Variants in GLDC observed in about 807,000 individuals in gnomAD.
GLDC encodes glycine dehydrogenase (decarboxylating), mitochondrial.
A neutral mutation model predicts 121.3 loss-of-function variants in GLDC; 104 were observed. The observed-to-expected ratio is 0.86, with a 90% CI of 0.73 to 1.01. The LOEUF (loss-of-function observed/expected upper bound fraction) is 1.01, where lower values mean the gene tolerates loss of function less well. Among genes scored for constraint, GLDC ranks in the 50% least tolerant of loss-of-function variants. The probability of loss-of-function intolerance (pLI) is 0.00; values close to 1 mark genes in which losing one functional copy is unlikely to be tolerated. For synonymous variants in GLDC, 546 were observed against 480.6 expected (o/e 1.14, Z -1.78); for missense variants, 1,429 against 1,306.6 (o/e 1.09, Z -1.44).
At chr9:6,582,507 C>T (rs939620233) in intron 15 of GLDC, among the ~76,000 whole-genome samples, 2 of 150,692 alleles carry the variant, frequency 1.3e-5, no homozygotes, top group Non-Finnish European at 3.0e-5. Flanking sequence ...GACAACAGAG[C>T]AGGGCTCCAT....
intron 3 of GLDC, among the ~76,000 whole-genome samples, chr9:6,613,581 A>G (rs917176177): frequency 1.3e-5 from 2 of 152,254 alleles, no homozygotes; most frequent in Non-Finnish European, 2.9e-5. Context: ...GCTCTATGGT[A>G]TTAAATAACT....
At chr9:6,637,086 T>G (rs1563873610) in intron 2 of GLDC, among the ~76,000 whole-genome samples, 3 of 149,094 alleles carry the variant, frequency 2.0e-5, no homozygotes, top group Admixed American at 6.7e-5. Context: ...TGGTTTTGTT[T>G]GTTTTTTTTT....
At chr9:6,575,475 A>G (rs912621427) in intron 15 of GLDC, among the ~76,000 whole-genome samples, 1 of 152,208 alleles carries the variant, frequency 6.6e-6, no homozygotes, top group African/African-American at 2.4e-5. Flanking sequence ...AGACTTACTG[A>G]ATCAGAAACT....
chr9:6,569,045 G>A (rs914762669), intron 15 of GLDC: 7 of 152,110 alleles, frequency 4.6e-5, no homozygotes, highest in African/African-American at 1.4e-4. Context: ...ACAGGTATAA[G>A]AGCCCACAAG....
At chr9:6,551,744 G>C (rs1817519304) in intron 20 of GLDC, among the ~76,000 whole-genome samples, 2 of 152,034 alleles carry the variant, frequency 1.3e-5, no homozygotes, top group Admixed American at 6.6e-5. Context: ...GGTATACCAG[G>C]TGAGAAGAAT....
At chr9:6,641,323 C>G (rs1474562378) in intron 2 of GLDC, among the ~76,000 whole-genome samples, 1 of 152,240 alleles carries the variant, frequency 6.6e-6, no homozygotes, top group Non-Finnish European at 1.5e-5. Context: ...GTTCCCACGT[C>G]TGTGCTGCCA....
chr9:6,620,585 GC>G (rs1482973134), intron 2 of GLDC, among the ~76,000 whole-genome samples: 1 of 151,574 alleles, frequency 6.6e-6, no homozygotes, highest in Non-Finnish European at 1.5e-5. Flanking sequence ...TGCTAGAACT[GC>G]CCATTTTAAC....
intron 3 of GLDC, among the ~76,000 whole-genome samples, chr9:6,614,790 A>G (rs1818935460): frequency 6.6e-6 from 1 of 152,176 alleles, no homozygotes. Context: ...AACCTCATAG[A>G]GTGTACTTAC....
intron 15 of GLDC, among the ~76,000 whole-genome samples, chr9:6,583,468 A>G (rs993934554): frequency 1.5e-4 from 23 of 152,172 alleles, no homozygotes; most frequent in African/African-American, 5.5e-4. Flanking sequence ...TCAGGTCAGG[A>G]GTTCCAGACC....
At chr9:6,573,386 G>A (rs1296437006) in intron 15 of GLDC, among the ~76,000 whole-genome samples, 3 of 152,088 alleles carry the variant, frequency 2.0e-5, no homozygotes, top group South Asian at 2.1e-4. Flanking sequence ...GCTTGAGCCC[G>A]GCAGGCAGAC....
intron 18 of GLDC, 58 bp from the exon 19 acceptor site, chr9:6,554,839 G>T: frequency 7.7e-7 from 1 of 1,299,980 alleles, no homozygotes; most frequent in Non-Finnish European, 1.1e-6. Context: ...ACCCTCCAGT[G>T]TGAAGGCCAT....
At chr9:6,633,614 C>A (rs1476550903) in intron 2 of GLDC, among the ~76,000 whole-genome samples, 2 of 151,870 alleles carry the variant, frequency 1.3e-5, no homozygotes, top group African/African-American at 2.4e-5. Context: ...GATCAACCAC[C>A]ACGTCTGTAC....
At chr9:6,631,944 T>C (rs1819390669) in intron 2 of GLDC, among the ~76,000 whole-genome samples, 1 of 152,108 alleles carries the variant, frequency 6.6e-6, no homozygotes, top group African/African-American at 2.4e-5. Context: ...CACATGCCTG[T>C]AGTCCAGATA....
Position 6,645,426 on chromosome 9 carries a change from C to T in GLDC, c.74G>A (p.Gly25Glu), listed in dbSNP as rs2130032676. 7.6e-7 allele frequency: 1 copy of T among 1,311,248 alleles called. No homozygotes were observed. Among genetic ancestry groups the T allele is most frequent in the Admixed American group, 4.0e-5 (1 of 25,232 alleles). 81.2% of individuals were successfully genotyped at this position (1,311,248 alleles called of 1,614,324 possible). The stretch of plus-strand genomic sequence containing the variant: ...CCGCGGCGCCCAGCACGGCCCCGAT[C>T]CCCCAGCCAGGCGGCGGCCGCCCCC... ...GVGGGRRLAG[G>E]SGPCWAPRSR... Residue 25 changes from glycine to glutamate, a missense_variant, in exon 1 of 25, where the codon GGA (glycine) becomes GAA (glutamate). Physicochemically the swap from Gly to Glu is moderately conservative, Grantham distance 98. Transcript: ENST00000321612.
chr9:6,583,880 C>G (rs1038998237), intron 15 of GLDC, among the ~76,000 whole-genome samples: 2 of 152,006 alleles, frequency 1.3e-5, no homozygotes, highest in African/African-American at 2.4e-5. Flanking sequence ...AAAGAGGAAC[C>G]GAAGAGTTAC....
intron 21 of GLDC, chr9:6,541,168 A>T (rs1452629676): frequency 1.3e-5 from 2 of 152,230 alleles, no homozygotes; most frequent in Admixed American, 6.5e-5. Flanking sequence ...GTTCATAAAC[A>T]GGCTTCTTCT....
chr9:6,590,493 T>C (rs1311035021), intron 11 of GLDC, among the ~76,000 whole-genome samples: 3 of 152,096 alleles, frequency 2.0e-5, no homozygotes, highest in East Asian at 1.9e-4. Flanking sequence ...TGAGAAGTGA[T>C]TGTTAAAAAG....
chr9:6,639,057 G>A, intron 2 of GLDC: 1 of 638,598 alleles, frequency 1.6e-6, no homozygotes, highest in Non-Finnish European at 2.8e-6. Context: ...ATAGTAGTCA[G>A]TAAACATTTA....
intron 15 of GLDC, among the ~76,000 whole-genome samples, chr9:6,582,719 C>T (rs542466147): frequency 6.6e-6 from 1 of 151,948 alleles, no homozygotes; most frequent in South Asian, 2.1e-4. Flanking sequence ...GTCCCAGCTA[C>T]TCGGGAGGGT....
Sources: gnomAD v4.1 joint callset for allele counts (sites outside exome capture counted in the v4.1 genomes callset) on GRCh38, gnomAD v4.1.1 for gene constraint, MANE v1.5 for transcripts, NCBI Gene and HGNC (gene_info 2026-07-23, HGNC 2026-07-21) for gene names.